INPP4B: variants seen among roughly 807,000 people sequenced by gnomAD.
INPP4B encodes the protein inositol polyphosphate-4-phosphatase type II B, also known as inositol polyphosphate 4-phosphatase type II.
Under a neutral mutation model 122.5 loss-of-function variants are expected in INPP4B, and 55 were observed. The ratio of observed to expected loss-of-function variants is 0.45; its 90% CI spans 0.36 to 0.56. The LOEUF (loss-of-function observed/expected upper bound fraction) is 0.56, where lower values mean the gene tolerates loss of function less well. INPP4B is among the 20% of genes least tolerant of loss of function. The probability of loss-of-function intolerance (pLI) is 0.00; values close to 1 mark genes in which losing one functional copy is unlikely to be tolerated. For missense variants in INPP4B, 1,000 were observed against 1,097.7 expected, an observed-to-expected ratio of 0.91 and a Z score of 1.26; for synonymous variants, 403 against 388.7, an observed-to-expected ratio of 1.04 and a Z score of -0.43.
At position 142,582,250 on chromosome 4, in the gene INPP4B, A is replaced by G. The variant is rs151227775; in HGVS notation, c.-190-119524T>C. Among the ~76,000 whole-genome samples, 500 of 152,196 alleles carry G rather than the reference A, an allele frequency of 3.3e-3. 7 individuals are homozygous for G. The highest frequency in any genetic ancestry group is 0.018 in the East Asian group (94 of 5,164). The stretch of plus-strand genomic sequence containing the variant: ...TATAGGTTGTAAAAAAGTAAATGTT[A>G]CTAAAGTATAAATTAGTTTTCAAAG... On this transcript the variant is annotated intron_variant, in intron 2 of 25. Transcript: ENST00000262992.
At chr4:142,661,161 C>G (rs978305968) in intron 2 of INPP4B, among the ~76,000 whole-genome samples, 1 of 152,114 alleles carries the variant, frequency 6.6e-6, no homozygotes, top group South Asian at 2.1e-4. Context: ...TCCCTTTTCA[C>G]CCAATAAAAC....
chr4:142,229,353 T>C (rs1853115076), intron 12 of INPP4B, among the ~76,000 whole-genome samples: 1 of 152,140 alleles, frequency 6.6e-6, no homozygotes, highest in Non-Finnish European at 1.5e-5. Flanking sequence ...CAATAAAGTA[T>C]TTAGATTCCT....
chr4:142,806,779 GAAA>G (rs1778836053), intron 1 of INPP4B, among the ~76,000 whole-genome samples: 1 of 65,172 alleles, frequency 1.5e-5, no homozygotes, highest in Admixed American at 1.4e-4. Flanking sequence ...AAGAAAGAAA[GAAA>G]GAAGGAAAGA....
At chr4:142,284,700 G>A (rs889406275) in intron 9 of INPP4B, among the ~76,000 whole-genome samples, 1 of 152,120 alleles carries the variant, frequency 6.6e-6, no homozygotes, top group Admixed American at 6.5e-5. Context: ...TGAATCAGGG[G>A]AGCATAGTGG....
At chr4:142,583,565 C>A (rs1735560334) in intron 2 of INPP4B, 1 of 152,138 alleles carries the variant, frequency 6.6e-6, no homozygotes. Flanking sequence ...TTTCCGATTT[C>A]CAGACCCAGG....
rs1736994598 is a variant in INPP4B at position 142,026,346 on chromosome 4, T to G, written c.*2436A>C. 1.3e-5 allele frequency: 2 copies of G among 152,228 alleles called. No individual in the cohort carries two copies. Among genetic ancestry groups the G allele is most frequent in the South Asian group, 4.1e-4 (2 of 4,832 alleles). The allele number at this position is 152,228 out of a possible 1,614,324, so 9.4% of individuals were successfully genotyped here. On this transcript the variant is annotated 3_prime_UTR_variant, in exon 26 of 26. Transcript: ENST00000262992. ...CACATTTTCTTGATGAAATCCACTT[T>G]TAGAAGTTTGCACCAGTACAGGCTT...
At chr4:142,278,955 C>T (rs1749914271) in intron 9 of INPP4B, among the ~76,000 whole-genome samples, 1 of 151,794 alleles carries the variant, frequency 6.6e-6, no homozygotes, top group Admixed American at 6.6e-5. Flanking sequence ...ATTTGGAAAA[C>T]AGAAGTGAGA....
At chr4:142,172,143 T>G (rs1388178698) in intron 16 of INPP4B, among the ~76,000 whole-genome samples, 1 of 151,916 alleles carries the variant, frequency 6.6e-6, no homozygotes, top group Non-Finnish European at 1.5e-5. Flanking sequence ...GGCATTTGTC[T>G]AACAAACATT....
rs117498363 is a variant in INPP4B at position 142,820,149 on chromosome 4, T to C, written c.-254+26060A>G. ...TGGCTTAATTTAGATTGTATTGGAA[T>C]AAATGTGCTATAGTTTAGAGATTCG... On this transcript the variant is annotated intron_variant, in intron 1 of 25. Coordinates refer to ENST00000262992, the MANE Select transcript of INPP4B (RefSeq NM_001101669.3). Among the ~76,000 whole-genome samples the C allele has an allele frequency of 2.0e-5, 3 of 152,254 alleles. No individual in the cohort carries two copies. In the East Asian group the frequency reaches 5.8e-4, roughly 29 times the overall value.
At chr4:142,396,696 A>G (rs1042398810) in intron 7 of INPP4B, among the ~76,000 whole-genome samples, 2 of 152,106 alleles carry the variant, frequency 1.3e-5, no homozygotes, top group Non-Finnish European at 2.9e-5. Context: ...AAAAACCGGA[A>G]GCAACATAAA....
chr4:142,257,442 A>T (rs890216492), intron 11 of INPP4B, among the ~76,000 whole-genome samples: 2 of 152,312 alleles, frequency 1.3e-5, no homozygotes, highest in South Asian at 2.1e-4. Context: ...ACATGATTGT[A>T]TATCTAGAAA....
intron 25 of INPP4B, among the ~76,000 whole-genome samples, chr4:142,042,228 A>C (rs1748126298): frequency 6.6e-6 from 1 of 152,162 alleles, no homozygotes. Flanking sequence ...AAAGCAACCA[A>C]TGCACAATGC....
intron 2 of INPP4B, among the ~76,000 whole-genome samples, chr4:142,510,407 A>G (rs1177963543): frequency 6.6e-6 from 1 of 152,208 alleles, no homozygotes; most frequent in Non-Finnish European, 1.5e-5. Context: ...TTCATTTACT[A>G]AAAAAGAAGT....
intron 11 of INPP4B, among the ~76,000 whole-genome samples, chr4:142,256,453 A>G (rs1025329612): frequency 4.9e-4 from 75 of 152,304 alleles, no homozygotes; most frequent in African/African-American, 1.7e-3. Flanking sequence ...CTGATAGACC[A>G]CTAGCAAGAC....
At chr4:142,228,921 A>T (rs1184343605) in intron 12 of INPP4B, among the ~76,000 whole-genome samples, 1 of 151,784 alleles carries the variant, frequency 6.6e-6, no homozygotes, top group East Asian at 1.9e-4. Flanking sequence ...CAGGTAATCA[A>T]AAACTATAAT....
chr4:142,803,183 A>AG (rs1778238747), intron 1 of INPP4B, among the ~76,000 whole-genome samples: 5 of 147,208 alleles, frequency 3.4e-5, no homozygotes, highest in African/African-American at 2.5e-5. Context: ...AAAAAAAAAA[A>AG]AAAGAAAGAA....
At chr4:142,458,862 G>A (rs577183871) in intron 3 of INPP4B, among the ~76,000 whole-genome samples, 6 of 152,272 alleles carry the variant, frequency 3.9e-5, no homozygotes, top group African/African-American at 1.4e-4. Flanking sequence ...TCATAAATCA[G>A]GGAGAAATAC....
At chr4:142,048,274 G>A (rs1164972649) in intron 25 of INPP4B, among the ~76,000 whole-genome samples, 2 of 152,092 alleles carry the variant, frequency 1.3e-5, no homozygotes, top group African/African-American at 2.4e-5. Flanking sequence ...ACGAGAAACT[G>A]CAGATTATAG....
At chr4:142,252,004 A>ATTGCTTATGATTCCAC (rs1732375987) in intron 11 of INPP4B, among the ~76,000 whole-genome samples, 1 of 152,174 alleles carries the variant, frequency 6.6e-6, no homozygotes, top group Non-Finnish European at 1.5e-5. Context: ...CTTATGAGCA[A>ATTGCTTATGATTCCAC]AGGCCTTGGA....
Sources: gnomAD v4.1 joint callset for allele counts (sites outside exome capture counted in the v4.1 genomes callset) on GRCh38, gnomAD v4.1.1 for gene constraint, MANE v1.5 for transcripts, NCBI Gene and HGNC (gene_info 2026-07-23, HGNC 2026-07-21) for gene names.